The following CFAP36 variants were observed in gnomAD, a reference collection of about 807,000 sequenced individuals.
The protein encoded by CFAP36 is cilia and flagella associated protein 36, also known as cilia- and flagella-associated protein 36.
CFAP36 carries 37 observed loss-of-function variants against 50.5 expected under a neutral mutation model. The observed-to-expected ratio is 0.73, with a 90% CI of 0.56 to 0.96. The LOEUF is 0.96. Ranked by LOEUF, CFAP36 falls within the 50% of genes least tolerant of loss-of-function variation. CFAP36 has a pLI of 0.00. For synonymous variants in CFAP36, 138 were observed against 128.2 expected (o/e 1.08, Z -0.52); for missense variants, 407 against 396.2 (o/e 1.03, Z -0.23).
chr2:55,523,967 T>C (rs1327868124), intron 3 of CFAP36, 145 bp downstream of exon 3: 3 of 512,360 alleles, frequency 5.9e-6, no homozygotes, highest in Non-Finnish European at 1.0e-5. Flanking sequence ...ACATATGAGT[T>C]CTTTTTGAGA....
intron 7 of CFAP36, among the ~76,000 whole-genome samples, chr2:55,543,134 T>C (rs1377738709): frequency 2.0e-5 from 3 of 152,130 alleles, no homozygotes; most frequent in African/African-American, 7.2e-5. Context: ...ATGTGTGCCA[T>C]GTTTTCCCAT....
At chr2:55,524,422 ATTTTTTT>A (rs57908457) in intron 3 of CFAP36, among the ~76,000 whole-genome samples, 42,500 of 100,336 alleles carry the variant, frequency 0.42, 6,955 homozygotes, top group Admixed American at 0.48. Flanking sequence ...CACATGGCTA[ATTTTTTT>A]TTTTTTTTTT....
At chr2:55,533,734 T>G in intron 4 of CFAP36, 139 bp from the exon 5 acceptor site, 1 of 303,402 alleles carries the variant, frequency 3.3e-6, no homozygotes, top group Non-Finnish European at 6.1e-6. Flanking sequence ...AAATAAAAGA[T>G]GATAGTTAAA....
chr2:55,522,764 G>A (rs1684104940), intron 2 of CFAP36, among the ~76,000 whole-genome samples: 1 of 152,086 alleles, frequency 6.6e-6, no homozygotes, highest in Non-Finnish European at 1.5e-5. Context: ...GGGTTTACAG[G>A]TGTGAGCCAC....
intron 9 of CFAP36, 97 bp downstream of exon 9, chr2:55,544,466 C>A: frequency 8.1e-7 from 1 of 1,228,436 alleles, no homozygotes; most frequent in South Asian, 1.6e-5. Flanking sequence ...ATTTTGCTTG[C>A]AGACCCATTC....
In CFAP36 at chr2:55,533,718, T is replaced by TAA. The variant is rs1290664386; in HGVS notation, c.398-154_398-153insAA. Among the ~76,000 whole-genome samples, 3 of 149,174 alleles carry TAA rather than the reference T, an allele frequency of 2.0e-5. No individual in the cohort carries two copies. In the East Asian group the frequency reaches 5.8e-4, roughly 29 times the overall value. ...TCAAAAAAAAAAAAAAATATATATA[T>TAA]ATATAAAATAAAAGATGATAGTTAA... On this transcript the variant is annotated intron_variant, in intron 4 of 9. Coordinates refer to ENST00000349456, the MANE Select transcript of CFAP36 (RefSeq NM_080667.7).
At position 55,524,456 on chromosome 2, in the gene CFAP36, A is replaced by T. The variant is rs1684150865; in HGVS notation, c.282+634A>T. 3.3e-5 allele frequency among the ~76,000 whole-genome samples: 4 copies of T among 121,890 alleles called. 1 individual carries two copies. Among genetic ancestry groups the T allele is most frequent in the Admixed American group, 3.0e-4 (3 of 10,126 alleles). The allele number at this position is 121,890 out of a possible 152,430, so 80.0% of individuals were successfully genotyped here. A position where few individuals can be genotyped will look rare whatever the true frequency, so the allele number is the denominator to read the frequency against. On this transcript the variant is annotated intron_variant, in intron 3 of 9. Transcript: ENST00000349456. The stretch of plus-strand genomic sequence containing the variant: ...TTTTTTTTTTTTTTTTTGTAGAGAC[A>T]GGGTCTTGCTGTGTTGTCCAGGCTG...
intron 1 of CFAP36, chr2:55,520,588 G>A: frequency 1.3e-6 from 1 of 773,774 alleles, no homozygotes; most frequent in Non-Finnish European, 1.9e-6. Context: ...TGAAGGACAG[G>A]CATCTCCGGG....
intron 3 of CFAP36, among the ~76,000 whole-genome samples, chr2:55,527,989 G>A (rs963052693): frequency 1.3e-5 from 2 of 151,772 alleles, no homozygotes; most frequent in African/African-American, 4.8e-5. Flanking sequence ...GGGCAACATG[G>A]TGAAACTCCA....
chr2:55,532,019 T>G (rs1684363750), intron 4 of CFAP36, among the ~76,000 whole-genome samples: 1 of 152,198 alleles, frequency 6.6e-6, no homozygotes, highest in Non-Finnish European at 1.5e-5. Flanking sequence ...ACAGAATTTC[T>G]AATACATGTA....
At chr2:55,524,237 A>G (rs1259229275) in intron 3 of CFAP36, among the ~76,000 whole-genome samples, 1 of 152,060 alleles carries the variant, frequency 6.6e-6, no homozygotes, top group Admixed American at 6.6e-5. Context: ...GTAGTAATAC[A>G]TATGTTATAA....
At chr2:55,537,675 C>A in intron 7 of CFAP36, 90 bp downstream of exon 7, 1 of 826,470 alleles carries the variant, frequency 1.2e-6, no homozygotes. Context: ...TATTTAACTT[C>A]AAAAGCCCTG....
chr2:55,525,716 C>T (rs573721744), intron 3 of CFAP36, among the ~76,000 whole-genome samples: 72 of 152,126 alleles, frequency 4.7e-4, no homozygotes, highest in African/African-American at 1.5e-3. Context: ...CTGCAACCTC[C>T]GTCTCCTAGG....
chr2:55,527,145 C>A (rs1230125380), intron 3 of CFAP36, among the ~76,000 whole-genome samples: 1 of 152,130 alleles, frequency 6.6e-6, no homozygotes, highest in Non-Finnish European at 1.5e-5. Context: ...TACCTAATAA[C>A]AAAGCAACAA....
intron 1 of CFAP36, chr2:55,520,270 G>C: frequency 1.3e-6 from 1 of 761,844 alleles, no homozygotes; most frequent in Non-Finnish European, 2.1e-6. Flanking sequence ...TGGACTGTTT[G>C]GCTGGGCTTC....
chr2:55,541,181 G>A (rs1034234194), intron 7 of CFAP36, among the ~76,000 whole-genome samples: 1 of 151,862 alleles, frequency 6.6e-6, no homozygotes, highest in African/African-American at 2.4e-5. Context: ...AAAATTAGCT[G>A]GGCATCGTGG....
intron 1 of CFAP36, 101 bp downstream of exon 1, chr2:55,520,017 C>G: frequency 9.9e-7 from 1 of 1,008,918 alleles, no homozygotes; most frequent in Admixed American, 2.1e-5. Context: ...TCCCCGACCC[C>G]CTGTCTCCAC....
chr2:55,540,409 A>G (rs750601310), intron 7 of CFAP36, among the ~76,000 whole-genome samples: 1 of 152,036 alleles, frequency 6.6e-6, no homozygotes, highest in Admixed American at 6.5e-5. Context: ...TAAATTGATT[A>G]TATTTATGTG....
At chr2:55,525,104 C>A (rs560215815) in intron 3 of CFAP36, among the ~76,000 whole-genome samples, 31 of 152,166 alleles carry the variant, frequency 2.0e-4, no homozygotes, top group African/African-American at 6.3e-4. Context: ...AACTGAGTGC[C>A]CTTGCTCAGA....
Sources: allele counts gnomAD v4.1 joint callset (sites outside exome capture counted in the v4.1 genomes callset), GRCh38; gene constraint gnomAD v4.1.1; transcripts MANE v1.5; gene names NCBI Gene and HGNC (gene_info 2026-07-23, HGNC 2026-07-21).